OPCML: variants seen among roughly 807,000 people sequenced by gnomAD.
The protein encoded by OPCML is opioid-binding protein/cell adhesion molecule.
A neutral mutation model predicts 37.8 loss-of-function variants in OPCML; 13 were observed. That is an observed-to-expected ratio of 0.34 (90% CI 0.22 to 0.55). OPCML has a LOEUF of 0.55. Among genes scored for constraint, OPCML ranks in the 20% least tolerant of loss-of-function variants. OPCML has a pLI of 0.91. For missense variants in OPCML, 341 were observed against 435.6 expected (o/e 0.78, Z 1.93); for synonymous variants, 176 against 168.8 (o/e 1.04, Z -0.33).
intron 1 of OPCML, among the ~76,000 whole-genome samples, chr11:133,082,356 C>T (rs1015869988): frequency 1.3e-5 from 2 of 149,864 alleles, no homozygotes; most frequent in South Asian, 2.1e-4. Flanking sequence ...GCAGAGGACC[C>T]GCTGCGCCGT....
intron 2 of OPCML, among the ~76,000 whole-genome samples, chr11:132,881,620 AAAT>A (rs1555202575): frequency 2.6e-5 from 4 of 151,202 alleles, no homozygotes; most frequent in Non-Finnish European, 5.9e-5. Context: ...AAATTTAAAA[AAAT>A]AATAATAATA....
intron 1 of OPCML, among the ~76,000 whole-genome samples, chr11:133,104,282 G>C (rs754635656): frequency 3.3e-5 from 5 of 152,314 alleles, no homozygotes; most frequent in Admixed American, 6.5e-5. Flanking sequence ...GAGTACGGAA[G>C]AGTCATCATA....
intron 1 of OPCML, among the ~76,000 whole-genome samples, chr11:133,057,350 T>C: frequency 6.6e-6 from 1 of 152,232 alleles, no homozygotes; most frequent in East Asian, 1.9e-4. Context: ...CAAAGGCTGC[T>C]GGATTTGGTG....
intron 2 of OPCML, among the ~76,000 whole-genome samples, chr11:132,929,651 A>G (rs970579300): frequency 6.6e-6 from 1 of 152,222 alleles, no homozygotes; most frequent in Admixed American, 6.5e-5. Flanking sequence ...GTAAATATTA[A>G]TGCAAAAATC....
At chr11:133,426,398 C>CA (rs1191270244) in intron 1 of OPCML, among the ~76,000 whole-genome samples, 1 of 152,116 alleles carries the variant, frequency 6.6e-6, no homozygotes, top group Non-Finnish European at 1.5e-5. Flanking sequence ...CACACACACA[C>CA]ACAACAACTC....
intron 2 of OPCML, among the ~76,000 whole-genome samples, chr11:132,874,516 A>G (rs1369159919): frequency 6.6e-6 from 1 of 151,146 alleles, no homozygotes; most frequent in African/African-American, 2.4e-5. Context: ...TCTTCTTGGA[A>G]ATGATGCACC....
intron 1 of OPCML, among the ~76,000 whole-genome samples, chr11:133,122,417 C>A (rs1377031893): frequency 6.6e-6 from 1 of 151,898 alleles, no homozygotes; most frequent in Non-Finnish European, 1.5e-5. Flanking sequence ...AGTAACAGAC[C>A]TAGAATTGCT....
intron 3 of OPCML, among the ~76,000 whole-genome samples, chr11:132,597,398 C>T (rs2096494044): frequency 6.6e-6 from 1 of 152,204 alleles, no homozygotes; most frequent in Non-Finnish European, 1.5e-5. Flanking sequence ...TAACATATGG[C>T]TGGCATATAT....
chr11:132,854,694 C>T (rs779438946), intron 2 of OPCML, among the ~76,000 whole-genome samples: 7 of 152,310 alleles, frequency 4.6e-5, no homozygotes, highest in Non-Finnish European at 5.9e-5. Context: ...TTCCATAATG[C>T]GGATATGCCG....
chr11:133,446,380 AACTT>A (rs1946474240), intron 1 of OPCML, among the ~76,000 whole-genome samples: 1 of 152,210 alleles, frequency 6.6e-6, no homozygotes, highest in African/African-American at 2.4e-5. Context: ...GATGAGGTAT[AACTT>A]ACATACCATA....
At chr11:133,294,342 A>G (rs1168677338) in intron 1 of OPCML, among the ~76,000 whole-genome samples, 5 of 152,302 alleles carry the variant, frequency 3.3e-5, no homozygotes, top group Middle Eastern at 3.4e-3. Flanking sequence ...AGGCTATACC[A>G]GGAAGAATTC....
intron 1 of OPCML, among the ~76,000 whole-genome samples, chr11:133,288,161 T>C (rs1189829418): frequency 6.6e-6 from 1 of 152,162 alleles, no homozygotes; most frequent in Non-Finnish European, 1.5e-5. Context: ...TGAGGAATTC[T>C]CTCTGACCTC....
At chr11:133,051,262 G>C (rs1046442580) in intron 1 of OPCML, among the ~76,000 whole-genome samples, 1 of 151,978 alleles carries the variant, frequency 6.6e-6, no homozygotes, top group African/African-American at 2.4e-5. Flanking sequence ...TATATCAACG[G>C]GTGTCTAGCG....
chr11:133,106,483 T>C (rs1008508156), intron 1 of OPCML, among the ~76,000 whole-genome samples: 4 of 152,218 alleles, frequency 2.6e-5, no homozygotes, highest in Admixed American at 2.0e-4. Flanking sequence ...TTTATGCACA[T>C]CGCATCCTTG....
chr11:133,475,929 C>A (rs991117109), intron 1 of OPCML, among the ~76,000 whole-genome samples: 1 of 152,108 alleles, frequency 6.6e-6, no homozygotes, highest in East Asian at 1.9e-4. Context: ...GGCAGTGGAG[C>A]CTCCCAGGGG....
At chr11:132,616,544 A>C (rs1282154564) in intron 3 of OPCML, among the ~76,000 whole-genome samples, 1 of 152,226 alleles carries the variant, frequency 6.6e-6, no homozygotes, top group Non-Finnish European at 1.5e-5. Context: ...GAGTAGAAGA[A>C]GATGGTCTCT....
chr11:132,888,060 G>A (rs1943492272), intron 2 of OPCML, among the ~76,000 whole-genome samples: 1 of 152,162 alleles, frequency 6.6e-6, no homozygotes, highest in South Asian at 2.1e-4. Context: ...TTGGATGAGA[G>A]TGTGGAAGAG....
intron 1 of OPCML, among the ~76,000 whole-genome samples, chr11:133,485,897 GTTT>G (rs916857094): frequency 6.7e-6 from 1 of 150,364 alleles, no homozygotes; most frequent in East Asian, 1.9e-4. Flanking sequence ...TGTTTTTTCT[GTTT>G]TTTTTTCTTT....
intron 1 of OPCML, among the ~76,000 whole-genome samples, chr11:133,509,323 T>C (rs1478084859): frequency 6.6e-6 from 1 of 152,238 alleles, no homozygotes; most frequent in Non-Finnish European, 1.5e-5. Flanking sequence ...ATGTGGTGTT[T>C]GGTTTTCTGT....
Sources: allele counts gnomAD v4.1 joint callset (sites outside exome capture counted in the v4.1 genomes callset), GRCh38; gene constraint gnomAD v4.1.1; transcripts MANE v1.5; gene names NCBI Gene and HGNC (gene_info 2026-07-23, HGNC 2026-07-21).